The following ANKRD28 variants were observed in gnomAD, a reference collection of about 807,000 sequenced individuals.
ANKRD28 encodes the protein serine/threonine-protein phosphatase 6 regulatory ankyrin repeat subunit A.
ANKRD28 carries 44 observed loss-of-function variants against 126.5 expected under a neutral mutation model. That is an observed-to-expected ratio of 0.35 (90% confidence interval 0.27 to 0.45). The LOEUF (loss-of-function observed/expected upper bound fraction) is 0.45. ANKRD28 is among the 20% of genes least tolerant of loss of function. ANKRD28 has a pLI of 1.00. For synonymous variants in ANKRD28, 442 were observed against 468.5 expected, an observed-to-expected ratio of 0.94 and a Z score of 0.73; for missense variants, 1,110 against 1,316.6, an observed-to-expected ratio of 0.84 and a Z score of 2.43.
intron 1 of ANKRD28, among the ~76,000 whole-genome samples, chr3:15,852,252 T>C (rs1418469819): frequency 6.6e-6 from 1 of 152,208 alleles, no homozygotes; most frequent in Admixed American, 6.5e-5. Flanking sequence ...AATATAGAAA[T>C]TGTTCAAGAG....
chr3:15,686,062 C>T lies in ANKRD28; in HGVS notation c.2109G>A (p.Leu703=). 3 of 1,613,762 alleles carry T rather than the reference C, an allele frequency of 1.9e-6. No individual in the cohort carries two copies. Among genetic ancestry groups the T allele is most frequent in the Non-Finnish European group, 2.5e-6 (3 of 1,179,812 alleles). Residue 703 remains leucine (L), a synonymous_variant, in exon 20 of 28, where the codon CTG becomes CTA. Coordinates refer to ENST00000683139, the MANE Select transcript of ANKRD28 (RefSeq NM_001349278.2). ...NGHTDCVYSL[L]NKGANVDAKD... ...TGGCATCTACATTTGCTCCTTTGTT[C>T]AGCAATGAGTAAACACAGTCTGTGT...
chr3:15,719,598 C>T (rs2073469600), intron 8 of ANKRD28, among the ~76,000 whole-genome samples: 1 of 152,140 alleles, frequency 6.6e-6, no homozygotes, highest in Non-Finnish European at 1.5e-5. Flanking sequence ...GAGGCAAGGT[C>T]TCACCTGTCG....
intron 1 of ANKRD28, among the ~76,000 whole-genome samples, chr3:15,850,239 A>AGAGG (rs1474332561): frequency 1.5e-5 from 2 of 134,562 alleles, no homozygotes; most frequent in Non-Finnish European, 3.2e-5. Flanking sequence ...AGAGAGAGAG[A>AGAGG]GAGAGAGAGA....
rs1178250957 is a variant in ANKRD28, at chr3:15,724,475, T to C, written c.690A>G (p.Thr230=). ...KLLVSHGAEV[T]CKDKKSYTPL... is the part of the protein sequence containing the mutation. ...GTGTATAAGACTTTTTATCCTTGCA[T>C]GTCACTTCAGCTCCATGCGACACAA... is the stretch of plus-strand genomic sequence containing the variant. The change falls in exon 7 of 28, where the codon ACA becomes ACG. Residue 230 remains threonine, a synonymous_variant. Coordinates refer to ENST00000683139, the MANE Select transcript of ANKRD28 (RefSeq NM_001349278.2). 1 of 1,594,988 alleles carries C rather than the reference T, an allele frequency of 6.3e-7. No individual in the cohort carries two copies. Among genetic ancestry groups the C allele is most frequent in the Non-Finnish European group, 8.5e-7 (1 of 1,169,782 alleles).
chr3:15,709,258 C>G (rs1478591739), intron 13 of ANKRD28, among the ~76,000 whole-genome samples: 1 of 152,070 alleles, frequency 6.6e-6, no homozygotes, highest in Non-Finnish European at 1.5e-5. Flanking sequence ...TACTACTGCT[C>G]TGGAACAAGA....
rs1462382111 is a variant in ANKRD28 at position 15,853,308 on chromosome 3, A to G, written c.27+6069T>C. On this transcript the variant is annotated intron_variant, in intron 1 of 27. Coordinates refer to the ANKRD28 transcript ENST00000399451. This position sits in a 1 kb window ranked among gnomAD's most constrained non-coding sequence, Gnocchi z 4.2. The stretch of plus-strand genomic sequence containing the variant: ...CAGGTACAGGGTATTTTCCATGGGC[A>G]TCTCACCCCAGTCCAGAATGAGTAC... Among the ~76,000 whole-genome samples the G allele has an allele frequency of 6.6e-6, 1 of 152,184 alleles. No individual in the cohort carries two copies.
At chr3:15,726,519 G>C (rs2074175688) in intron 6 of ANKRD28, among the ~76,000 whole-genome samples, 1 of 152,244 alleles carries the variant, frequency 6.6e-6, no homozygotes, top group South Asian at 2.1e-4. Context: ...TATGAAGGCT[G>C]AGAAAGGTTA....
Position 15,708,104 on chromosome 3 carries a change from A to G in ANKRD28, c.1407-40T>C, listed in dbSNP as rs773677063. On this transcript the variant is annotated intron_variant, in intron 13 of 27. Coordinates refer to ENST00000683139, the MANE Select transcript of ANKRD28 (RefSeq NM_001349278.2). ...TTAATACAAGAAAGATAAAAGCCAG[A>G]GACATAACTAGTAAACAAAAGCATA... The G allele has an allele frequency of 5.8e-6, 9 of 1,560,802 alleles. No individual in the cohort carries two copies. The Admixed American group carries it at 1.3e-4, about 23-fold the overall frequency.
intron 8 of ANKRD28, among the ~76,000 whole-genome samples, chr3:15,715,467 G>A (rs995420011): frequency 4.6e-5 from 7 of 152,130 alleles, no homozygotes; most frequent in Non-Finnish European, 1.0e-4. Context: ...AACATCATAA[G>A]TATCTACTTA....
At chr3:15,707,706 C>T (rs2455830) in intron 14 of ANKRD28, among the ~76,000 whole-genome samples, 71,813 of 152,046 alleles carry the variant, frequency 0.47, 19,727 homozygotes, top group Middle Eastern at 0.6. Context: ...ATCTTTCTTC[C>T]ACCAGATCAG....
At position 15,698,082 on chromosome 3, in the gene ANKRD28, C is replaced by T. The variant is rs561379991; in HGVS notation, c.1548-1837G>A. Among the ~76,000 whole-genome samples, 14 of 151,716 alleles carry T rather than the reference C, an allele frequency of 9.2e-5. No individual in the cohort carries two copies. In the East Asian group the frequency reaches 2.7e-3, roughly 29 times the overall value. On this transcript the variant is annotated intron_variant, in intron 14 of 27. Transcript: ENST00000683139. Reference sequence around the variant, plus strand: ...TTCTTTGAGCTCGGTGGTGATATTCCCTTTATGTGTCTATTTGAATCTTCT... The same window carrying T: ...TTCTTTGAGCTCGGTGGTGATATTCTCTTTATGTGTCTATTTGAATCTTCT...
chr3:15,741,947 C>A (rs369575666), intron 4 of ANKRD28, among the ~76,000 whole-genome samples: 19 of 151,946 alleles, frequency 1.3e-4, no homozygotes, highest in South Asian at 6.2e-4. Flanking sequence ...CTGTGTTGGC[C>A]GGGCTGGTCT....
chr3:15,674,174 C>CAAAAAAAAAAAAA (rs34806568), intron 27 of ANKRD28, among the ~76,000 whole-genome samples: 13 of 40,274 alleles, frequency 3.2e-4, no homozygotes, highest in Admixed American at 4.4e-4. Flanking sequence ...CCTGCCTCTT[C>CAAAAAAAAAAAAA]AAAAAAAAAA....
chr3:15,731,848 C>CAAAAAAAAA (rs397934004), intron 6 of ANKRD28: 1 of 4,520 alleles, frequency 2.2e-4, no homozygotes, highest in African/African-American at 6.3e-4. Flanking sequence ...GAAACTGTCT[C>CAAAAAAAAA]AAAAAAAAAA....
At chr3:15,676,254 T>C (rs2066922963) in intron 26 of ANKRD28, 2 of 347,008 alleles carry the variant, frequency 5.8e-6, no homozygotes, top group Non-Finnish European at 1.0e-5. Context: ...AATCCTTTTG[T>C]TACTTTTCTT....
intron 3 of ANKRD28, among the ~76,000 whole-genome samples, chr3:15,762,314 C>T (rs560823696): frequency 2.0e-5 from 3 of 149,818 alleles, no homozygotes; most frequent in East Asian, 2.0e-4. Flanking sequence ...TGTCAACTTT[C>T]GTAAGTTAAA....
rs2071460058 is a variant in ANKRD28, at chr3:15,706,586, A to C, written c.1547+1338T>G. The stretch of plus-strand genomic sequence containing the variant: ...TGTCTTTATAGCAGCATGATTTATA[A>C]TCCTTTGGGTATATACCCAGTAATG... On this transcript the variant is annotated intron_variant, in intron 14 of 27. Transcript: ENST00000683139. 5.3e-5 allele frequency among the ~76,000 whole-genome samples: 8 copies of C among 152,186 alleles called. No homozygotes were observed. In the South Asian group the frequency reaches 1.7e-3, roughly 32 times the overall value.
rs1208370971 is a variant in ANKRD28 at position 15,843,564 on chromosome 3, C to T, written c.27+15813G>A. On this transcript the variant is annotated intron_variant, in intron 1 of 27. Transcript: ENST00000399451. The surrounding 1 kb of genome is among the most constrained non-coding windows in gnomAD (Gnocchi z 5.2). The stretch of plus-strand genomic sequence containing the variant: ...AATAAGGATAGAATTAGGAGTACAG[C>T]AGAATAGTTTGAGCCAAAAATAAGG... 6.6e-6 allele frequency among the ~76,000 whole-genome samples: 1 copy of T among 151,036 alleles called. No individual in the cohort carries two copies. The highest frequency in any genetic ancestry group is 1.5e-5 in the Non-Finnish European group (1 of 67,816).
upstream of ANKRD28, chr3:15,798,309 T>A (rs2060369669): frequency 4.2e-6 from 1 of 236,674 alleles, no homozygotes. Context: ...ATAAAAAAGG[T>A]TTAAAGATGG....
Sources: allele counts gnomAD v4.1 joint callset (sites outside exome capture counted in the v4.1 genomes callset), GRCh38; gene constraint gnomAD v4.1.1; non-coding constraint Gnocchi (gnomAD v3.1); transcripts MANE v1.5; gene names NCBI Gene and HGNC (gene_info 2026-07-23, HGNC 2026-07-21).